WWOX: variants seen among roughly 807,000 people sequenced by gnomAD.
The protein encoded by WWOX is WW domain-containing oxidoreductase.
In WWOX, 69 loss-of-function variants were observed where a neutral mutation model predicts 46.2. That is an observed-to-expected ratio of 1.49 (90% CI 1.23 to 1.82). The LOEUF is 1.82. Among genes scored for constraint, WWOX ranks in the 40% most tolerant of loss-of-function variants. WWOX has a pLI of 0.00. For missense variants in WWOX, 919 were observed against 542.6 expected (o/e 1.69, Z -6.89); for synonymous variants, 359 against 202.6 (o/e 1.77, Z -6.56).
At chr16:79,095,901 G>A (rs1597371726) in intron 8 of WWOX, among the ~76,000 whole-genome samples, 1 of 117,204 alleles carries the variant, frequency 8.5e-6, no homozygotes, top group East Asian at 2.5e-4. Flanking sequence ...GTCTTGCTCT[G>A]TTGTTTAGGC....
At chr16:78,797,243 G>C (rs552115827) in intron 8 of WWOX, among the ~76,000 whole-genome samples, 5 of 150,826 alleles carry the variant, frequency 3.3e-5, no homozygotes, top group African/African-American at 9.8e-5. Flanking sequence ...ACCTGCTAAA[G>C]GGAAGACATG....
At chr16:78,327,062 C>G (rs1334727368) in intron 5 of WWOX, among the ~76,000 whole-genome samples, 1 of 152,130 alleles carries the variant, frequency 6.6e-6, no homozygotes, top group African/African-American at 2.4e-5. Flanking sequence ...TGGGCACTGC[C>G]CCCCAGGAGC....
At chr16:78,394,845 T>C (rs930860684) in intron 6 of WWOX, among the ~76,000 whole-genome samples, 1 of 151,974 alleles carries the variant, frequency 6.6e-6, no homozygotes, top group Non-Finnish European at 1.5e-5. Flanking sequence ...TGCCCTGGAG[T>C]AGTGTAAAGA....
intron 6 of WWOX, among the ~76,000 whole-genome samples, chr16:78,400,369 C>T (rs190441973): frequency 6.6e-6 from 1 of 152,260 alleles, no homozygotes. Flanking sequence ...GATCTGAAAA[C>T]TCCTGAGAGA....
chr16:78,599,504 C>T (rs1031216767), intron 8 of WWOX, among the ~76,000 whole-genome samples: 1 of 152,202 alleles, frequency 6.6e-6, no homozygotes, highest in Non-Finnish European at 1.5e-5. Context: ...TAAGCTGGCC[C>T]CATGGATGGC....
rs142882494 is a variant in WWOX at position 78,941,173 on chromosome 16, A to G, written c.1057-270435A>G. On this transcript the variant is annotated intron_variant, in intron 8 of 8. Coordinates refer to ENST00000566780, the MANE Select transcript of WWOX (RefSeq NM_016373.4). ...ATATACTGAACTGGTGCATGAATGA[A>G]TAGGAAATATCCCAGTTGCAAAGGA... Among the ~76,000 whole-genome samples the G allele has an allele frequency of 3.9e-5, 6 of 152,292 alleles. No individual in the cohort carries two copies. The East Asian group carries it at 5.8e-4, about 15-fold the overall frequency.
intron 8 of WWOX, among the ~76,000 whole-genome samples, chr16:78,629,711 A>T (rs568870944): frequency 6.6e-6 from 1 of 152,154 alleles, no homozygotes; most frequent in African/African-American, 2.4e-5. Flanking sequence ...TGCTTTAGCT[A>T]ATCAACTCTT....
In WWOX at chr16:78,464,942, C is replaced by T. The variant is rs530358011; in HGVS notation, c.1056+32190C>T. Among the ~76,000 whole-genome samples the T allele has an allele frequency of 2.2e-4, 33 of 152,314 alleles. 1 individual carries two copies. The South Asian group carries it at 5.0e-3, about 23-fold the overall frequency. Reference sequence around the variant, plus strand: ...GATTTACTGAACTCAGTCGTTTCACCTGGCTGGGGAGGCCTCAAAATTATG... The same window carrying T: ...GATTTACTGAACTCAGTCGTTTCACTTGGCTGGGGAGGCCTCAAAATTATG... On this transcript the variant is annotated intron_variant, in intron 8 of 8. Transcript: ENST00000566780.
intron 8 of WWOX, among the ~76,000 whole-genome samples, chr16:78,657,137 C>T (rs1052413131): frequency 5.3e-5 from 8 of 152,210 alleles, no homozygotes; most frequent in African/African-American, 1.7e-4. Flanking sequence ...CCTGCGTCAC[C>T]TTCACCACCA....
intron 8 of WWOX, among the ~76,000 whole-genome samples, chr16:78,951,706 A>G (rs2046063653): frequency 6.6e-6 from 1 of 152,134 alleles, no homozygotes; most frequent in Admixed American, 6.5e-5. Context: ...AGTACCGGGG[A>G]ACCAGGTGAG....
At chr16:78,715,492 T>C (rs2048540731) in intron 8 of WWOX, among the ~76,000 whole-genome samples, 1 of 151,870 alleles carries the variant, frequency 6.6e-6, no homozygotes, top group Non-Finnish European at 1.5e-5. Flanking sequence ...GTTTTTTGTT[T>C]TTGTTTTTTA....
intron 5 of WWOX, among the ~76,000 whole-genome samples, chr16:78,319,843 T>G (rs1279205034): frequency 1.3e-5 from 2 of 152,068 alleles, no homozygotes; most frequent in African/African-American, 4.8e-5. Flanking sequence ...AGCAAAACTT[T>G]TACTCTTCAG....
At position 79,071,849 on chromosome 16, in the gene WWOX, A is replaced by G. The variant is rs76826398; in HGVS notation, c.1057-139759A>G. 5.1e-4 allele frequency among the ~76,000 whole-genome samples: 78 copies of G among 152,298 alleles called. 1 individual carries two copies. Among genetic ancestry groups the G allele is most frequent in the African/African-American group, 1.4e-3 (58 of 41,574 alleles). Reference sequence around the variant, plus strand: ...TGGGAGCTCTGCTTCTCTGGAGACAATGGTCAGCAGTGTTGCAACCAACTC... The same window carrying G: ...TGGGAGCTCTGCTTCTCTGGAGACAGTGGTCAGCAGTGTTGCAACCAACTC... On this transcript the variant is annotated intron_variant, in intron 8 of 8. Transcript: ENST00000566780.
intron 8 of WWOX, among the ~76,000 whole-genome samples, chr16:78,580,952 C>T (rs557577898): frequency 6.6e-6 from 1 of 152,232 alleles, no homozygotes; most frequent in African/African-American, 2.4e-5. Flanking sequence ...TATCTGTGAA[C>T]CCTTCGCAAA....
At chr16:78,529,526 G>C (rs1331089203) in intron 8 of WWOX, among the ~76,000 whole-genome samples, 2 of 152,060 alleles carry the variant, frequency 1.3e-5, no homozygotes, top group African/African-American at 4.8e-5. Flanking sequence ...GAATGCAATG[G>C]CAAGATCCCT....
intron 8 of WWOX, among the ~76,000 whole-genome samples, chr16:78,789,830 A>G (rs535721468): frequency 9.2e-5 from 14 of 152,240 alleles, no homozygotes; most frequent in Non-Finnish European, 1.8e-4. Context: ...TGTAGGGGAT[A>G]TATTTTCGTT....
chr16:78,356,601 G>A (rs1231520962), intron 5 of WWOX, among the ~76,000 whole-genome samples: 5 of 152,144 alleles, frequency 3.3e-5, no homozygotes, highest in African/African-American at 7.2e-5. Flanking sequence ...CAAAAGTTCC[G>A]GCTGGGCACG....
At chr16:78,968,295 G>T (rs5024396) in intron 8 of WWOX, among the ~76,000 whole-genome samples, 10 of 152,014 alleles carry the variant, frequency 6.6e-5, no homozygotes, top group Admixed American at 5.2e-4. Context: ...AGTCCTACCC[G>T]TAGGAATCCA....
At chr16:78,451,054 G>A (rs573733995) in intron 8 of WWOX, among the ~76,000 whole-genome samples, 60 of 152,200 alleles carry the variant, frequency 3.9e-4, no homozygotes, top group African/African-American at 9.4e-4. Context: ...TTGCTTTCCC[G>A]TTATACTTAA....
Sources: allele counts gnomAD v4.1 joint callset (sites outside exome capture counted in the v4.1 genomes callset), GRCh38; gene constraint gnomAD v4.1.1; transcripts MANE v1.5; gene names NCBI Gene and HGNC (gene_info 2026-07-23, HGNC 2026-07-21).